ADGRE5: variants seen among roughly 807,000 people sequenced by gnomAD.
ADGRE5 encodes CD97 molecule.
In ADGRE5, 72 loss-of-function variants were observed where a neutral mutation model predicts 100.3. The ratio of observed to expected loss-of-function variants is 0.72; its 90% CI spans 0.59 to 0.87. ADGRE5 has a LOEUF of 0.87. ADGRE5 is among the 40% of genes least tolerant of loss of function. The pLI, the probability that ADGRE5 is intolerant of heterozygous loss-of-function variation, is 0.00. For synonymous variants in ADGRE5, 439 were observed against 447.8 expected (o/e 0.98, Z 0.25); for missense variants, 959 against 1,094.7 (o/e 0.88, Z 1.75).
At chr19:14,405,568 A>T (rs989360092) in intron 13 of ADGRE5, 180 bp from the exon 14 acceptor site, 10 of 571,702 alleles carry the variant, frequency 1.7e-5, no homozygotes, top group Middle Eastern at 4.6e-4. Context: ...CCCAGCAAGC[A>T]CAAAAATGTG....
chr19:14,405,880 A>G lies in ADGRE5; in HGVS notation c.1762A>G (p.Ile588Val), dbSNP rs756463722. ...SRTTIHLHLC[I>V]CLFVGSTIFL... is the part of the protein sequence containing the mutation. ...CACCACCATACACCTGCACCTCTGC[A>G]TCTGCCTCTTCGTGGGCTCCACCAT... Residue 588 changes from isoleucine to valine, a missense_variant, in exon 14 of 20, where the codon ATC (isoleucine) becomes GTC (valine). Coordinates refer to ENST00000242786, the MANE Select transcript of ADGRE5 (RefSeq NM_078481.4). 7.4e-5 allele frequency: 119 copies of G among 1,612,398 alleles called. No individual in the cohort carries two copies. The highest frequency in any genetic ancestry group is 9.3e-5 in the Non-Finnish European group (110 of 1,179,992).
At chr19:14,397,426 C>T (rs988750488) in intron 6 of ADGRE5, 92 of 666,212 alleles carry the variant, frequency 1.4e-4, no homozygotes, top group Admixed American at 1.1e-3. Context: ...TCAGGGGGAC[C>T]CCAGGCAACA....
At chr19:14,398,472 A>C in intron 9 of ADGRE5, 1 of 276,368 alleles carries the variant, frequency 3.6e-6, no homozygotes, top group East Asian at 9.0e-5. Flanking sequence ...GATCGAGACC[A>C]TTCTGGCTAA....
Position 14,396,958 on chromosome 19 carries a change from C to G in ADGRE5, c.479-119C>G, listed in dbSNP as rs185972807. ...GAAGTTGAAGGTCACCAAGTGGCGG[C>G]ATGTGCAATAATGGTCTTCAGTCTG... On this transcript the variant is annotated intron_variant, in intron 5 of 19. Coordinates refer to ENST00000242786, the MANE Select transcript of ADGRE5 (RefSeq NM_078481.4). The G allele has an allele frequency of 4.1e-3, 5,235 of 1,285,938 alleles. 14 individuals are homozygous for G. Among genetic ancestry groups the G allele is most frequent in the Non-Finnish European group, 4.5e-3 (4,212 of 937,014 alleles). The allele number at this position is 1,285,938 out of a possible 1,614,324, so 79.7% of individuals were successfully genotyped here. A position where few individuals can be genotyped will look rare whatever the true frequency, so the allele number is the denominator to read the frequency against.
At chr19:14,403,047 AATTT>A (rs1372221158) in intron 12 of ADGRE5, among the ~76,000 whole-genome samples, 185 bp downstream of exon 12, 6 of 151,806 alleles carry the variant, frequency 4.0e-5, no homozygotes, top group African/African-American at 9.7e-5. Flanking sequence ...TTAATTAATT[AATTT>A]ATTTATTTTA....
At chr19:14,404,922 C>A (rs1241638743) in intron 13 of ADGRE5, 1 of 260,182 alleles carries the variant, frequency 3.8e-6, no homozygotes, top group African/African-American at 2.3e-5. Flanking sequence ...TATGGTGGCA[C>A]AATCTCAGCT....
intron 3 of ADGRE5, among the ~76,000 whole-genome samples, chr19:14,389,208 G>A (rs1279232617): frequency 2.7e-5 from 1 of 37,490 alleles, no homozygotes; most frequent in East Asian, 7.3e-4. Flanking sequence ...AGAGGGGTAG[G>A]GGGAGGGAGA....
rs776020562 is a variant in ADGRE5 at position 14,408,128 on chromosome 19, A to G, written c.*7A>G. ...ATCAGAGTCCGGCATATGAAGGCGC[A>G]TGGTTCTGGACGGCCCAGCAGCTCC... On this transcript the variant is annotated 3_prime_UTR_variant, in exon 20 of 20. Coordinates refer to ENST00000242786, the MANE Select transcript of ADGRE5 (RefSeq NM_078481.4). 2.5e-6 allele frequency: 4 copies of G among 1,612,666 alleles called. No homozygotes were observed. The South Asian group carries it at 3.3e-5, about 13-fold the overall frequency.
rs10405985 is a variant in ADGRE5 at position 14,390,814 on chromosome 19, T to C, written c.191-110T>C. 2.2e-6 allele frequency: 3 copies of C among 1,373,668 alleles called. No individual in the cohort carries two copies. In the South Asian group the frequency reaches 4.0e-5, roughly 18 times the overall value. The allele number at this position is 1,373,668 out of a possible 1,614,324, so 85.1% of individuals were successfully genotyped here. Reference sequence around the variant, plus strand: ...CTGTGCAGTGCAACTTAAGATTTTTTCCAAAAGATACTAAGCAGCAGGCCC... The same window carrying C: ...CTGTGCAGTGCAACTTAAGATTTTTCCCAAAAGATACTAAGCAGCAGGCCC... On this transcript the variant is annotated intron_variant, in intron 3 of 19. Transcript: ENST00000242786.
chr19:14,396,875 A>T (rs1057215350), intron 5 of ADGRE5, among the ~76,000 whole-genome samples: 1 of 152,124 alleles, frequency 6.6e-6, no homozygotes, highest in African/African-American at 2.4e-5. Flanking sequence ...TAAACTGGGG[A>T]CCATGGTCCC....
chr19:14,395,979 T>C (rs997715059), intron 4 of ADGRE5, among the ~76,000 whole-genome samples: 9 of 152,204 alleles, frequency 5.9e-5, no homozygotes, highest in Non-Finnish European at 1.3e-4. Flanking sequence ...AGGGCCACCG[T>C]TGGGAACCAA....
chr19:14,400,256 G>A (rs1017930518), intron 9 of ADGRE5, among the ~76,000 whole-genome samples: 1 of 151,712 alleles, frequency 6.6e-6, no homozygotes, highest in South Asian at 2.1e-4. Flanking sequence ...TCCTGACCTC[G>A]TGATCCACCC....
intron 4 of ADGRE5, among the ~76,000 whole-genome samples, chr19:14,394,288 G>C (rs533162583): frequency 6.3e-4 from 96 of 152,222 alleles, no homozygotes; most frequent in Non-Finnish European, 1.2e-3. Flanking sequence ...GCTCAGAGGG[G>C]CCTGGGCCCC....
chr19:14,392,941 C>T (rs1228757591), intron 4 of ADGRE5, among the ~76,000 whole-genome samples: 2 of 150,886 alleles, frequency 1.3e-5, no homozygotes, highest in African/African-American at 4.9e-5. Flanking sequence ...ATGGCTCATG[C>T]CTGTAATCCC....
At position 14,397,158 on chromosome 19, in the gene ADGRE5, G is replaced by A. The variant is rs376892799; in HGVS notation, c.560G>A (p.Arg187His). The A allele has an allele frequency of 6.2e-6, 10 of 1,614,106 alleles. No homozygotes were observed. The highest frequency in any genetic ancestry group is 5.3e-5 in the African/African-American group (4 of 75,024). Residue 187 changes from arginine to histidine, a missense_variant, in exon 6 of 20, where the codon CGC becomes CAC. Physicochemically the swap from Arg to His is conservative, Grantham distance 29 (BLOSUM62 0). Transcript: ENST00000242786. ...AACAACGTGGGCAGCTATCAGTGCCGCTGCCGCCCGGGCTGGCAACCGATT... is the reference window on the plus strand; with the variant it reads ...AACAACGTGGGCAGCTATCAGTGCCACTGCCGCCCGGGCTGGCAACCGATT... ...CLNNVGSYQC[R>H]CRPGWQPIPG...
chr19:14,407,908 G>A lies in ADGRE5; in HGVS notation c.2377G>A (p.Val793Ile), dbSNP rs755825807. 5.6e-6 allele frequency: 9 copies of A among 1,613,836 alleles called. No homozygotes were observed. The East Asian group carries it at 8.9e-5, about 16-fold the overall frequency. Reference sequence around the variant, plus strand: ...CCTGACTTGGTGTCTGGGCCGGCAGGTTCGGGAAGAATACCGGAAGTGGGC... The same window carrying A: ...CCTGACTTGGTGTCTGGGCCGGCAGATTCGGGAAGAATACCGGAAGTGGGC... Reference protein sequence around the residue: ...YLLHCLLNKKVREEYRKWACL... With the variant: ...YLLHCLLNKKIREEYRKWACL... The change falls in exon 19 of 20, where the codon GTT (valine) becomes ATT (isoleucine). Residue 793 changes from valine to isoleucine, a missense_variant and splice_region_variant. Val to Ile is a conservative substitution (Grantham distance 29). Transcript: ENST00000242786.
intron 13 of ADGRE5, 22 bp from the exon 14 acceptor site, chr19:14,405,726 G>A: frequency 6.3e-6 from 10 of 1,592,254 alleles, no homozygotes; most frequent in Non-Finnish European, 8.6e-6. Flanking sequence ...AAGGAACCCT[G>A]AGCACCCGGT....
intron 1 of ADGRE5, among the ~76,000 whole-genome samples, chr19:14,385,951 AG>A (rs1416297142): frequency 2.3e-4 from 35 of 151,764 alleles, no homozygotes; most frequent in African/African-American, 8.0e-4. Flanking sequence ...TTGTATTTTC[AG>A]TAGAGAGGGG....
intron 1 of ADGRE5, among the ~76,000 whole-genome samples, chr19:14,386,981 C>G (rs554504273): frequency 6.6e-6 from 1 of 151,918 alleles, no homozygotes; most frequent in Non-Finnish European, 1.5e-5. Flanking sequence ...TGCCATCGCA[C>G]TCCAGCCTGG....
Sources: gnomAD v4.1 joint callset for allele counts (sites outside exome capture counted in the v4.1 genomes callset) on GRCh38, gnomAD v4.1.1 for gene constraint, MANE v1.5 for transcripts, NCBI Gene and HGNC (gene_info 2026-07-23, HGNC 2026-07-21) for gene names.